ASIC2: variants seen among roughly 807,000 people sequenced by gnomAD.
ASIC2 encodes the protein acid sensing ion channel subunit 2.
ASIC2 carries 25 observed loss-of-function variants against 57.3 expected under a neutral mutation model. That is an observed-to-expected ratio of 0.44 (90% CI 0.32 to 0.61). ASIC2 has a LOEUF of 0.61. ASIC2 is among the 20% of genes least tolerant of loss of function. The pLI, the probability that ASIC2 is intolerant of heterozygous loss-of-function variation, is 0.06. For missense variants in ASIC2, 641 were observed against 738.1 expected, an observed-to-expected ratio of 0.87 and a Z score of 1.52; for synonymous variants, 319 against 307.5, an observed-to-expected ratio of 1.04 and a Z score of -0.39.
chr17:33,963,199 A>G (rs1002553978), intron 1 of ASIC2, among the ~76,000 whole-genome samples: 1 of 151,810 alleles, frequency 6.6e-6, no homozygotes, highest in Non-Finnish European at 1.5e-5. Context: ...TCCCAACTAC[A>G]CTTCTACCAA....
At chr17:33,561,839 A>G (rs1166620949) in intron 1 of ASIC2, among the ~76,000 whole-genome samples, 4 of 152,238 alleles carry the variant, frequency 2.6e-5, no homozygotes, top group Non-Finnish European at 1.5e-5. Context: ...AGAAGTGCAG[A>G]TCACTTCAAA....
intron 1 of ASIC2, among the ~76,000 whole-genome samples, chr17:33,214,005 A>G (rs1008699664): frequency 1.3e-5 from 2 of 152,110 alleles, no homozygotes; most frequent in East Asian, 3.9e-4. Flanking sequence ...GCGATCCTTG[A>G]TGGTATAATG....
intron 1 of ASIC2, among the ~76,000 whole-genome samples, chr17:33,805,322 C>A (rs868300135): frequency 6.6e-6 from 1 of 152,156 alleles, no homozygotes; most frequent in Non-Finnish European, 1.5e-5. Context: ...GAATCTTACT[C>A]TTGGAAAATA....
At chr17:33,950,938 T>C (rs901161243) in intron 1 of ASIC2, among the ~76,000 whole-genome samples, 2 of 152,192 alleles carry the variant, frequency 1.3e-5, no homozygotes, top group Non-Finnish European at 2.9e-5. Flanking sequence ...AGTTAACAAA[T>C]TGATCTTCAG....
At chr17:33,237,266 C>T (rs551564797) in intron 1 of ASIC2, among the ~76,000 whole-genome samples, 67 of 151,996 alleles carry the variant, frequency 4.4e-4, no homozygotes, top group Non-Finnish European at 7.9e-4. Context: ...GGGCCTGAGG[C>T]TGCAGAATGG....
At chr17:34,065,932 C>T (rs751774168) in intron 1 of ASIC2, among the ~76,000 whole-genome samples, 2 of 152,106 alleles carry the variant, frequency 1.3e-5, no homozygotes, top group African/African-American at 4.8e-5. Context: ...ATCCTAGAAA[C>T]TTATTTAATC....
chr17:33,763,445 C>T (rs1278438091), intron 1 of ASIC2, among the ~76,000 whole-genome samples: 1 of 152,214 alleles, frequency 6.6e-6, no homozygotes, highest in Admixed American at 6.5e-5. Context: ...AGAGCATCCT[C>T]TGGTTCCATA....
At chr17:33,111,810 G>A in intron 2 of ASIC2, 107 bp downstream of exon 2, 4 of 1,445,486 alleles carry the variant, frequency 2.8e-6, no homozygotes, top group South Asian at 1.4e-5. Context: ...ACCCCTTGCT[G>A]GAGAGCAGTC....
At chr17:33,696,354 T>G (rs1908528375) in intron 1 of ASIC2, among the ~76,000 whole-genome samples, 1 of 152,220 alleles carries the variant, frequency 6.6e-6, no homozygotes, top group Admixed American at 6.5e-5. Context: ...GGCTCTCTTT[T>G]CAGAGGCAGC....
intron 1 of ASIC2, chr17:33,688,772 A>G (rs1908274613): frequency 6.6e-6 from 1 of 152,204 alleles, no homozygotes; most frequent in African/African-American, 2.4e-5. Flanking sequence ...AAAAATTGCC[A>G]TGGGGTCATT....
At chr17:33,775,961 C>T (rs983372667) in intron 1 of ASIC2, among the ~76,000 whole-genome samples, 1 of 151,928 alleles carries the variant, frequency 6.6e-6, no homozygotes, top group Admixed American at 6.6e-5. Context: ...GACGAAACAC[C>T]GTATCTACTA....
At chr17:34,056,098 T>TA in intron 1 of ASIC2, among the ~76,000 whole-genome samples, 1 of 152,220 alleles carries the variant, frequency 6.6e-6, no homozygotes, top group East Asian at 1.9e-4. Flanking sequence ...GCCAGTGAAT[T>TA]AAATGTGAGG....
In ASIC2 at chr17:33,021,243, C is replaced by T. The variant is rs753045191; in HGVS notation, c.1417G>A (p.Ala473Thr). The T allele has an allele frequency of 9.3e-6, 15 of 1,612,858 alleles. No individual in the cohort carries two copies. The highest frequency in any genetic ancestry group is 1.7e-5 in the Admixed American group (1 of 59,956). The stretch of plus-strand genomic sequence containing the variant: ...CCAAGTAAGGCAGCAACTTCATACG[C>T]CTTCTTCTGTTCAATTGTCTCATAA... The part of the protein sequence containing the change: ...LNYETIEQKK[A>T]YEVAALLGDI... Residue 473 changes from alanine to threonine, a missense_variant, in exon 7 of 10, where the codon GCG becomes ACG. Coordinates refer to ENST00000225823, the MANE Select transcript of ASIC2 (RefSeq NM_183377.2).
intron 1 of ASIC2, chr17:34,039,898 G>A (rs1210843838): frequency 1.3e-5 from 20 of 1,564,908 alleles, no homozygotes; most frequent in Admixed American, 3.4e-5. Context: ...CGCCGCTGCC[G>A]CTCCACGCTC....
chr17:33,876,043 T>C (rs1282325705), intron 1 of ASIC2, among the ~76,000 whole-genome samples: 3 of 152,066 alleles, frequency 2.0e-5, no homozygotes, highest in African/African-American at 4.8e-5. Flanking sequence ...TCTAAACGAG[T>C]AGAGGAGCAT....
At chr17:33,424,526 T>C (rs763084763) in intron 1 of ASIC2, among the ~76,000 whole-genome samples, 2 of 152,234 alleles carry the variant, frequency 1.3e-5, no homozygotes, top group Non-Finnish European at 2.9e-5. Context: ...GTGACTGGAT[T>C]TGCACATTGG....
chr17:33,751,907 C>T (rs891466088), intron 1 of ASIC2, among the ~76,000 whole-genome samples: 2 of 113,310 alleles, frequency 1.8e-5, no homozygotes, highest in Admixed American at 1.3e-4. Flanking sequence ...GGCTTTGGAG[C>T]TTTCCTCAGC....
In ASIC2 at chr17:33,084,080, T is replaced by C. The variant is rs111642481; in HGVS notation, c.987+4783A>G. 9.3e-4 allele frequency among the ~76,000 whole-genome samples: 142 copies of C among 152,226 alleles called. 1 individual carries two copies. Among genetic ancestry groups the C allele is most frequent in the Middle Eastern group, 3.4e-3 (1 of 294 alleles). On this transcript the variant is annotated intron_variant, in intron 3 of 9. Coordinates refer to ENST00000225823, the MANE Select transcript of ASIC2 (RefSeq NM_183377.2). ...TACCTTATAAGCATCCCATGCCAGC[T>C]GGCAGAGCCGGGAGTGGGTGCAGAA...
chr17:34,133,636 C>G (rs1912055106), intron 1 of ASIC2, among the ~76,000 whole-genome samples: 1 of 152,256 alleles, frequency 6.6e-6, no homozygotes, highest in South Asian at 2.1e-4. Flanking sequence ...GTGAAACATT[C>G]TTGTGAGGCA....
Sources: gnomAD v4.1 joint callset for allele counts (sites outside exome capture counted in the v4.1 genomes callset) on GRCh38, gnomAD v4.1.1 for gene constraint, MANE v1.5 for transcripts, NCBI Gene and HGNC (gene_info 2026-07-23, HGNC 2026-07-21) for gene names.